Variants in GALNT10 observed in about 807,000 individuals in gnomAD.
The protein encoded by GALNT10 is GalNAc transferase 10.
GALNT10 carries 41 observed loss-of-function variants against 75.0 expected under a neutral mutation model. The observed-to-expected ratio is 0.55, with a 90% CI of 0.43 to 0.71. The LOEUF (loss-of-function observed/expected upper bound fraction) is 0.71, where lower values mean the gene tolerates loss of function less well. Ranked by LOEUF, GALNT10 falls within the 30% of genes least tolerant of loss-of-function variation. GALNT10 has a pLI of 0.00. For missense variants in GALNT10, 727 were observed against 818.5 expected, an observed-to-expected ratio of 0.89 and a Z score of 1.36; for synonymous variants, 302 against 313.0, an observed-to-expected ratio of 0.96 and a Z score of 0.37.
chr5:154,371,554 G>A (rs1755566869), intron 4 of GALNT10, among the ~76,000 whole-genome samples: 1 of 54,642 alleles, frequency 1.8e-5, no homozygotes, highest in Non-Finnish European at 5.7e-5. Flanking sequence ...GTGTGTGTGT[G>A]TGTGTGTGTA....
intron 7 of GALNT10, among the ~76,000 whole-genome samples, chr5:154,393,945 CTGAGA>C (rs1285006899): frequency 6.6e-6 from 1 of 152,180 alleles, no homozygotes; most frequent in Non-Finnish European, 1.5e-5. Context: ...TTTGCAAGCT[CTGAGA>C]TGAGATTCTG....
intron 1 of GALNT10, among the ~76,000 whole-genome samples, chr5:154,228,702 G>A (rs1581929068): frequency 6.6e-6 from 1 of 152,336 alleles, no homozygotes; most frequent in East Asian, 1.9e-4. Context: ...AATTGTATGT[G>A]GGTGGTGGTA....
At chr5:154,319,038 C>T (rs746222104) in intron 3 of GALNT10, among the ~76,000 whole-genome samples, 11 of 152,218 alleles carry the variant, frequency 7.2e-5, no homozygotes, top group Non-Finnish European at 1.6e-4. Flanking sequence ...TCAAGAGGGC[C>T]TCAACATTGA....
chr5:154,364,908 A>G (rs1162560751), intron 4 of GALNT10, among the ~76,000 whole-genome samples: 1 of 152,176 alleles, frequency 6.6e-6, no homozygotes, highest in Non-Finnish European at 1.5e-5. Context: ...TCTTATTTGT[A>G]GCTGATTGGT....
chr5:154,228,758 G>A (rs1243741456), intron 1 of GALNT10, among the ~76,000 whole-genome samples: 3 of 152,218 alleles, frequency 2.0e-5, no homozygotes, highest in African/African-American at 7.2e-5. Context: ...TCTGGGCTTT[G>A]TTCTCTGTGT....
At chr5:154,277,330 G>A (rs935803226) in intron 1 of GALNT10, among the ~76,000 whole-genome samples, 7 of 151,814 alleles carry the variant, frequency 4.6e-5, no homozygotes, top group Non-Finnish European at 7.4e-5. Flanking sequence ...GAGGAAGAAG[G>A]ATGAGAAATA....
rs550442208 is a variant in GALNT10 at position 154,402,938 on chromosome 5, G to A, written c.1057-1166G>A. The A allele has an allele frequency of 1.2e-4, 19 of 152,422 alleles. No homozygotes were observed. Among genetic ancestry groups the A allele is most frequent in the African/African-American group, 4.3e-4 (18 of 41,578 alleles). The allele number at this position is 152,422 out of a possible 1,614,324, so 9.4% of individuals were successfully genotyped here. On this transcript the variant is annotated intron_variant, in intron 7 of 11. Transcript: ENST00000297107. This position sits in a 1 kb window ranked among gnomAD's most constrained non-coding sequence, Gnocchi z 4.2. Reference sequence around the variant, plus strand: ...TCAGTCCTCATGTGACTCACTGGGAGGCATCTACACAGGGGCACAAATACG... The same window carrying A: ...TCAGTCCTCATGTGACTCACTGGGAAGCATCTACACAGGGGCACAAATACG...
Position 154,417,183 on chromosome 5 carries a change from A to C in GALNT10, c.*211A>C, listed in dbSNP as rs560571655. ...TAGGGTGAAGAGCATATCCCACAAG[A>C]GGCCCCACAGGGAGCAGAGACTGCT... On this transcript the variant is annotated 3_prime_UTR_variant, in exon 12 of 12. Coordinates refer to ENST00000297107, the MANE Select transcript of GALNT10 (RefSeq NM_198321.4). The C allele has an allele frequency of 1.1e-5, 6 of 566,596 alleles. No individual in the cohort carries two copies. In the East Asian group the frequency reaches 1.2e-4, roughly 11 times the overall value. 35.1% of individuals were successfully genotyped at this position (566,596 alleles called of 1,614,324 possible). A position where few individuals can be genotyped will look rare whatever the true frequency, so the allele number is the denominator to read the frequency against.
At chr5:154,202,781 G>A (rs1775045614) in intron 1 of GALNT10, among the ~76,000 whole-genome samples, 1 of 152,234 alleles carries the variant, frequency 6.6e-6, no homozygotes, top group African/African-American at 2.4e-5. Context: ...GCGGTTGTCA[G>A]ACACTGGTGT....
intron 4 of GALNT10, among the ~76,000 whole-genome samples, chr5:154,342,364 C>A (rs540975200): frequency 6.6e-5 from 10 of 152,228 alleles, no homozygotes; most frequent in African/African-American, 2.4e-4. Context: ...CCTGCGGTCT[C>A]CAGGTCATCT....
intron 4 of GALNT10, among the ~76,000 whole-genome samples, chr5:154,350,660 C>T (rs1054371139): frequency 6.6e-6 from 1 of 152,122 alleles, no homozygotes; most frequent in Admixed American, 6.6e-5. Context: ...ATTTCTGTGG[C>T]GTAAAAACTC....
intron 3 of GALNT10, among the ~76,000 whole-genome samples, chr5:154,328,730 G>A (rs1356598115): frequency 3.9e-5 from 6 of 152,210 alleles, no homozygotes; most frequent in Admixed American, 6.5e-5. Flanking sequence ...CCAGCCGGCT[G>A]TAAATTGGTG....
intron 1 of GALNT10, among the ~76,000 whole-genome samples, chr5:154,208,488 C>G (rs1000197606): frequency 6.6e-6 from 1 of 151,686 alleles, no homozygotes; most frequent in South Asian, 2.1e-4. Flanking sequence ...TTTTCTCTCT[C>G]TCATTTCTTA....
rs774828371 is a variant in GALNT10, at chr5:154,332,722, A to C, written c.568+2984A>C. ...GAAAACCATCACCAGCAGCAGGGCC[A>C]TCTTCATCCAGCAAGACAGATGTGG... On this transcript the variant is annotated intron_variant, in intron 4 of 11. Transcript: ENST00000297107. Among the ~76,000 whole-genome samples, 22 of 152,228 alleles carry C rather than the reference A, an allele frequency of 1.4e-4. 1 individual carries two copies. The highest frequency in any genetic ancestry group is 2.9e-4 in the Non-Finnish European group (20 of 68,034).
At chr5:154,391,919 G>A (rs1159642046) in intron 7 of GALNT10, among the ~76,000 whole-genome samples, 1 of 152,158 alleles carries the variant, frequency 6.6e-6, no homozygotes, top group African/African-American at 2.4e-5. Flanking sequence ...GAGTCTCATT[G>A]GCCTGCTGGC....
At chr5:154,385,994 C>T (rs1755801326) in intron 6 of GALNT10, among the ~76,000 whole-genome samples, 1 of 152,160 alleles carries the variant, frequency 6.6e-6, no homozygotes, top group Non-Finnish European at 1.5e-5. Flanking sequence ...AGTGAGAGGA[C>T]TAACATGTAC....
At chr5:154,330,813 C>T (rs1754845297) in intron 4 of GALNT10, among the ~76,000 whole-genome samples, 1 of 152,112 alleles carries the variant, frequency 6.6e-6, no homozygotes, top group Non-Finnish European at 1.5e-5. Flanking sequence ...TTGCAGCTGA[C>T]AGTTTCAGGA....
intron 4 of GALNT10, chr5:154,347,106 C>T (rs1425316330): frequency 2.0e-6 from 1 of 508,382 alleles, no homozygotes; most frequent in Non-Finnish European, 4.0e-6. Context: ...CATTTATTAA[C>T]ACCTAATGTG....
Position 154,298,905 on chromosome 5 carries a change from C to T in GALNT10, c.401+826C>T, listed in dbSNP as rs1172725247. 6.6e-6 allele frequency among the ~76,000 whole-genome samples: 1 copy of T among 152,064 alleles called. No homozygotes were observed. The highest frequency in any genetic ancestry group is 1.5e-5 in the Non-Finnish European group (1 of 68,016). On this transcript the variant is annotated intron_variant, in intron 3 of 11. Coordinates refer to ENST00000297107, the MANE Select transcript of GALNT10 (RefSeq NM_198321.4). The surrounding 1 kb of genome is among the most constrained non-coding windows in gnomAD (Gnocchi z 4.1). ...TTGATTCAGTAGGTCTGGATGGGGG[C>T]CCAAGAACTTCCATTTCAAATAGGC...
Sources: gnomAD v4.1 joint callset for allele counts (sites outside exome capture counted in the v4.1 genomes callset) on GRCh38, gnomAD v4.1.1 for gene constraint, Gnocchi (gnomAD v3.1) non-coding constraint, MANE v1.5 for transcripts, NCBI Gene and HGNC (gene_info 2026-07-23, HGNC 2026-07-21) for gene names.